Variants in PLCB4 observed in about 807,000 individuals in gnomAD.
PLCB4 encodes phospholipase C beta 4, also known as 1-phosphatidylinositol 4,5-bisphosphate phosphodiesterase beta-4.
A neutral mutation model predicts 178.8 loss-of-function variants in PLCB4; 77 were observed. The observed-to-expected ratio is 0.43, with a 90% confidence interval of 0.36 to 0.52. The LOEUF is 0.52. Among genes scored for constraint, PLCB4 ranks in the 20% least tolerant of loss-of-function variants. The pLI, the probability that PLCB4 is intolerant of heterozygous loss-of-function variation, is 0.00. For synonymous variants in PLCB4, 496 were observed against 490.8 expected (o/e 1.01, Z -0.14); for missense variants, 1,024 against 1,453.4 (o/e 0.70, Z 4.80).
rs1484059151 is a variant in PLCB4 at position 9,320,025 on chromosome 20, C to T, written c.84+12127C>T. ...CCTAAGAGAGAGGATTCTTGGATCTCGCCCAAGAAAGAATTAGAGGTGAGT... is the reference window on the plus strand; with the variant it reads ...CCTAAGAGAGAGGATTCTTGGATCTTGCCCAAGAAAGAATTAGAGGTGAGT... On this transcript the variant is annotated intron_variant, in intron 4 of 39. Coordinates refer to ENST00000378473, the MANE Select transcript of PLCB4 (RefSeq NM_001377142.1). Among the ~76,000 whole-genome samples the T allele has an allele frequency of 3.9e-5, 6 of 152,152 alleles. No homozygotes were observed. In the East Asian group the frequency reaches 1.2e-3, roughly 29 times the overall value.
chr20:9,245,774 C>G (rs1032877872), intron 3 of PLCB4, among the ~76,000 whole-genome samples: 4 of 151,192 alleles, frequency 2.6e-5, no homozygotes, highest in Non-Finnish European at 5.9e-5. Context: ...AGCTGGGACT[C>G]CAGGCACATG....
At chr20:9,429,150 T>A (rs1420209274) in intron 28 of PLCB4, among the ~76,000 whole-genome samples, 1 of 152,136 alleles carries the variant, frequency 6.6e-6, no homozygotes, top group Non-Finnish European at 1.5e-5. Flanking sequence ...AAAAGCAGAC[T>A]GGTTTCTTTT....
intron 1 of PLCB4, among the ~76,000 whole-genome samples, chr20:9,090,382 G>A (rs2090623436): frequency 2.0e-5 from 3 of 151,886 alleles, no homozygotes; most frequent in South Asian, 2.1e-4. Context: ...TTTTTCAAAT[G>A]TATGTGTATG....
intron 2 of PLCB4, among the ~76,000 whole-genome samples, chr20:9,165,793 TTGTGTG>T (rs3036061): frequency 0.015 from 2,053 of 139,726 alleles, 18 homozygotes; most frequent in Middle Eastern, 0.028. Flanking sequence ...CTGGGGCTGT[TTGTGTG>T]TGTGTGTGTG....
At position 9,337,187 on chromosome 20, in the gene PLCB4, C is replaced by G; in HGVS notation, c.146C>G (p.Thr49Arg). ...GTGGATGAGTTTGGCTTCTTTCTGA[C>G]ATGGAGAAGTGAAGGCAAGGTATGG... ...FKVDEFGFFL[T>R]WRSEGKEGQV... The change falls in exon 5 of 40, where the codon ACA becomes AGA. Residue 49 changes from threonine to arginine, a missense_variant. By Grantham distance (71) the Thr-to-Arg change is moderately conservative. Transcript: ENST00000378473. 6.2e-7 allele frequency: 1 copy of G among 1,612,662 alleles called. No individual in the cohort carries two copies. The highest frequency in any genetic ancestry group is 8.5e-7 in the Non-Finnish European group (1 of 1,178,848).
At chr20:9,113,315 A>G (rs1207112981) in intron 2 of PLCB4, among the ~76,000 whole-genome samples, 1 of 152,206 alleles carries the variant, frequency 6.6e-6, no homozygotes, top group Non-Finnish European at 1.5e-5. Context: ...AGCACAAAAC[A>G]CTGGCAGTTC....
chr20:9,375,111 C>T (rs1050598449), intron 12 of PLCB4, among the ~76,000 whole-genome samples: 11 of 152,044 alleles, frequency 7.2e-5, no homozygotes, highest in Non-Finnish European at 1.2e-4. Flanking sequence ...GAATTTATTC[C>T]TTTTCTATCC....
chr20:9,313,893 A>G (rs1444000721), intron 4 of PLCB4, among the ~76,000 whole-genome samples: 16 of 152,172 alleles, frequency 1.1e-4, no homozygotes, highest in Admixed American at 1.0e-3. Flanking sequence ...GTGATGAGAA[A>G]GGTGGTAGAA....
intron 3 of PLCB4, among the ~76,000 whole-genome samples, chr20:9,297,157 A>AC (rs140669435): frequency 0.052 from 7,810 of 149,612 alleles, 446 homozygotes; most frequent in African/African-American, 0.14. Flanking sequence ...TATAGCCCGC[A>AC]CCCCCCCCCA....
At chr20:9,310,313 C>A (rs913203739) in intron 4 of PLCB4, among the ~76,000 whole-genome samples, 10 of 152,124 alleles carry the variant, frequency 6.6e-5, no homozygotes, top group Non-Finnish European at 7.3e-5. Flanking sequence ...AGCAAAGGTA[C>A]CTTTTGTGAA....
At chr20:9,142,810 A>G (rs930037111) in intron 2 of PLCB4, among the ~76,000 whole-genome samples, 2 of 152,158 alleles carry the variant, frequency 1.3e-5, no homozygotes, top group African/African-American at 4.8e-5. Context: ...ATATCAGATC[A>G]CGTTGCCCTG....
chr20:9,134,469 C>G (rs1447728140), intron 2 of PLCB4, among the ~76,000 whole-genome samples: 1 of 151,862 alleles, frequency 6.6e-6, no homozygotes, highest in Non-Finnish European at 1.5e-5. Context: ...TAATATCCTT[C>G]TCCCTCTTGG....
intron 25 of PLCB4, among the ~76,000 whole-genome samples, chr20:9,415,259 T>G (rs2148535576): frequency 1.3e-5 from 2 of 152,230 alleles, no homozygotes; most frequent in East Asian, 3.8e-4. Context: ...CAAATTTTTA[T>G]TTTCCAATTT....
intron 3 of PLCB4, among the ~76,000 whole-genome samples, chr20:9,267,247 C>A (rs545803355): frequency 6.6e-6 from 1 of 152,208 alleles, no homozygotes; most frequent in East Asian, 1.9e-4. Flanking sequence ...ATTTCTTCAA[C>A]CATTTTGTCA....
intron 1 of PLCB4, among the ~76,000 whole-genome samples, chr20:9,070,699 G>A (rs1257010353): frequency 1.3e-5 from 2 of 152,128 alleles, no homozygotes; most frequent in Admixed American, 6.5e-5. Flanking sequence ...TTTTATGAAC[G>A]TAAGACTTGC....
At chr20:9,214,036 T>C (rs946100532) in intron 2 of PLCB4, among the ~76,000 whole-genome samples, 1 of 152,232 alleles carries the variant, frequency 6.6e-6, no homozygotes, top group Non-Finnish European at 1.5e-5. Context: ...ATAAAAGTTC[T>C]TTATCAGATT....
At chr20:9,108,959 G>A (rs1046143361) in intron 2 of PLCB4, among the ~76,000 whole-genome samples, 18 of 151,800 alleles carry the variant, frequency 1.2e-4, no homozygotes, top group Non-Finnish European at 2.4e-4. Context: ...AGTTGAAGTA[G>A]GTTGCATAGG....
chr20:9,444,926 C>T (rs923703992), intron 32 of PLCB4, among the ~76,000 whole-genome samples: 1 of 152,222 alleles, frequency 6.6e-6, no homozygotes, highest in African/African-American at 2.4e-5. Context: ...CAACCTCCCA[C>T]TCACAGCACC....
In PLCB4 at chr20:9,210,973, A is replaced by G. The variant is rs189547255; in HGVS notation, c.-78-6417A>G. On this transcript the variant is annotated intron_variant, in intron 2 of 39. Coordinates refer to ENST00000378473, the MANE Select transcript of PLCB4 (RefSeq NM_001377142.1). ...AAACATATTAATACCTTACATGGAT[A>G]TAGAAAATATGACTGCATTGGTGAA... 3.0e-4 allele frequency among the ~76,000 whole-genome samples: 46 copies of G among 152,366 alleles called. No individual in the cohort carries two copies. In the East Asian group the frequency reaches 8.7e-3, roughly 29 times the overall value.
Sources: gnomAD v4.1 joint callset for allele counts (sites outside exome capture counted in the v4.1 genomes callset) on GRCh38, gnomAD v4.1.1 for gene constraint, MANE v1.5 for transcripts, NCBI Gene and HGNC (gene_info 2026-07-23, HGNC 2026-07-21) for gene names.